DCC: variants seen among roughly 807,000 people sequenced by gnomAD.
DCC encodes the protein DCC netrin 1 receptor, also known as netrin receptor DCC.
A neutral mutation model predicts 172.5 loss-of-function variants in DCC; 58 were observed. The observed-to-expected ratio is 0.34, with a 90% CI of 0.27 to 0.42. The LOEUF is 0.42. Ranked by LOEUF, DCC falls within the 10% of genes least tolerant of loss-of-function variation. DCC has a pLI of 1.00. For missense variants in DCC, 1,740 were observed against 1,791.0 expected, an observed-to-expected ratio of 0.97 and a Z score of 0.51; for synonymous variants, 709 against 644.5, an observed-to-expected ratio of 1.10 and a Z score of -1.52.
At position 52,883,747 on chromosome 18, in the gene DCC, A is replaced by G. The variant is rs200328136; in HGVS notation, c.413-22297A>G. Among the ~76,000 whole-genome samples, 4 of 152,182 alleles carry G rather than the reference A, an allele frequency of 2.6e-5. No individual in the cohort carries two copies. In the East Asian group the frequency reaches 5.8e-4, roughly 22 times the overall value. On this transcript the variant is annotated intron_variant, in intron 2 of 28. Coordinates refer to ENST00000442544, the MANE Select transcript of DCC (RefSeq NM_005215.4). ...TAAGAGTAGTAGTTTATAGATTACA[A>G]TTACAGCGTTATAATATCCTGTGTT...
At chr18:53,090,981 A>C (rs552288797) in intron 7 of DCC, among the ~76,000 whole-genome samples, 1 of 151,974 alleles carries the variant, frequency 6.6e-6, no homozygotes, top group Admixed American at 6.6e-5. Flanking sequence ...TCTGGCAACT[A>C]CATTGTAACA....
intron 7 of DCC, among the ~76,000 whole-genome samples, chr18:53,103,379 TTTTTAA>T (rs2043200457): frequency 6.6e-6 from 1 of 152,002 alleles, no homozygotes; most frequent in Non-Finnish European, 1.5e-5. Flanking sequence ...GTTTAGGGTG[TTTTTAA>T]TTTTAAGTTT....
intron 1 of DCC, among the ~76,000 whole-genome samples, chr18:52,411,340 G>C (rs1048907510): frequency 6.6e-6 from 1 of 152,104 alleles, no homozygotes; most frequent in African/African-American, 2.4e-5. Flanking sequence ...CTGGTCCTGG[G>C]TGAAGATGAC....
At chr18:52,660,496 G>T (rs948468231) in intron 1 of DCC, among the ~76,000 whole-genome samples, 7 of 152,240 alleles carry the variant, frequency 4.6e-5, no homozygotes, top group Admixed American at 2.0e-4. Flanking sequence ...CAAGTTTACT[G>T]TGCCTTGAAA....
At chr18:52,634,226 C>T (rs1012132293) in intron 1 of DCC, among the ~76,000 whole-genome samples, 1 of 152,202 alleles carries the variant, frequency 6.6e-6, no homozygotes, top group Non-Finnish European at 1.5e-5. Context: ...GGTCTATCAG[C>T]AGTAATAAAT....
intron 12 of DCC, among the ~76,000 whole-genome samples, chr18:53,222,557 T>C (rs1171770702): frequency 1.3e-5 from 2 of 149,276 alleles, no homozygotes; most frequent in East Asian, 3.9e-4. Context: ...GCTAATTTTT[T>C]ACTTTTTTTT....
intron 14 of DCC, among the ~76,000 whole-genome samples, chr18:53,336,701 A>G (rs1490705548): frequency 1.3e-5 from 2 of 152,230 alleles, no homozygotes. Context: ...AAACATAAAA[A>G]TAAAATAAGT....
chr18:52,374,335 T>G (rs370439687), intron 1 of DCC, among the ~76,000 whole-genome samples: 1 of 152,094 alleles, frequency 6.6e-6, no homozygotes, highest in Non-Finnish European at 1.5e-5. Flanking sequence ...TCCCTTACGA[T>G]CCAAGCTGAA....
intron 1 of DCC, among the ~76,000 whole-genome samples, chr18:52,711,492 TTAA>T (rs1435763071): frequency 2.0e-5 from 3 of 152,224 alleles, no homozygotes; most frequent in African/African-American, 7.2e-5. Flanking sequence ...GATAAATGAA[TTAA>T]TAATGAATTC....
At chr18:53,323,146 G>A (rs1023087105) in intron 14 of DCC, among the ~76,000 whole-genome samples, 3 of 151,846 alleles carry the variant, frequency 2.0e-5, no homozygotes, top group Non-Finnish European at 2.9e-5. Context: ...TTTCCCTTCC[G>A]TTTTTAAATC....
intron 2 of DCC, among the ~76,000 whole-genome samples, chr18:52,794,426 C>A (rs561341499): frequency 2.6e-5 from 4 of 151,784 alleles, no homozygotes; most frequent in African/African-American, 9.7e-5. Flanking sequence ...AATGAGATCA[C>A]GTCCTTCATT....
At chr18:53,351,858 T>G (rs2057817065) in intron 15 of DCC, among the ~76,000 whole-genome samples, 1 of 151,810 alleles carries the variant, frequency 6.6e-6, no homozygotes, top group Non-Finnish European at 1.5e-5. Context: ...TATTTCTTCA[T>G]CCCCCTCACT....
intron 1 of DCC, among the ~76,000 whole-genome samples, chr18:52,380,603 T>C (rs1985544002): frequency 6.6e-6 from 1 of 152,150 alleles, no homozygotes; most frequent in African/African-American, 2.4e-5. Context: ...GATTTAACCA[T>C]GAGTTTTACA....
chr18:52,953,194 A>G (rs1426985783), intron 5 of DCC, among the ~76,000 whole-genome samples: 1 of 152,160 alleles, frequency 6.6e-6, no homozygotes, highest in Non-Finnish European at 1.5e-5. Flanking sequence ...AAATGAATTA[A>G]TAAACAGGTG....
At chr18:53,485,261 C>T (rs184631663) in intron 25 of DCC, among the ~76,000 whole-genome samples, 5 of 152,050 alleles carry the variant, frequency 3.3e-5, no homozygotes, top group Admixed American at 2.6e-4. Context: ...ATGTCATAAA[C>T]CTCTAATATA....
At chr18:53,497,634 A>G (rs1455153353) in intron 26 of DCC, among the ~76,000 whole-genome samples, 1 of 152,212 alleles carries the variant, frequency 6.6e-6, no homozygotes, top group African/African-American at 2.4e-5. Context: ...ATCTCATTAC[A>G]TGACACTGTT....
intron 22 of DCC, among the ~76,000 whole-genome samples, chr18:53,445,517 A>C (rs1019476452): frequency 2.0e-5 from 3 of 152,342 alleles, no homozygotes; most frequent in Admixed American, 2.0e-4. Flanking sequence ...GGGCTCTTAG[A>C]GTCAATATCT....
intron 15 of DCC, among the ~76,000 whole-genome samples, chr18:53,344,173 G>A (rs899091716): frequency 2.6e-5 from 4 of 151,308 alleles, no homozygotes; most frequent in Non-Finnish European, 4.4e-5. Context: ...TTTTAGTTCT[G>A]GTCTTCTCTT....
At chr18:52,823,001 T>C (rs1357573775) in intron 2 of DCC, among the ~76,000 whole-genome samples, 4 of 152,184 alleles carry the variant, frequency 2.6e-5, no homozygotes, top group African/African-American at 9.7e-5. Flanking sequence ...AATCTTTTAA[T>C]CTGGGTCTGT....
Sources: allele counts gnomAD v4.1 joint callset (sites outside exome capture counted in the v4.1 genomes callset), GRCh38; gene constraint gnomAD v4.1.1; transcripts MANE v1.5; gene names NCBI Gene and HGNC (gene_info 2026-07-23, HGNC 2026-07-21).